The following HDAC9 variants were observed in gnomAD, a reference collection of about 807,000 sequenced individuals.
HDAC9 encodes the protein histone deacetylase 9.
HDAC9 carries 41 observed loss-of-function variants against 139.4 expected under a neutral mutation model. The observed-to-expected ratio is 0.29, with a 90% CI of 0.23 to 0.38. The LOEUF is 0.38. Ranked by LOEUF, HDAC9 falls within the 10% of genes least tolerant of loss-of-function variation. The pLI, the probability that HDAC9 is intolerant of heterozygous loss-of-function variation, is 1.00. For synonymous variants in HDAC9, 517 were observed against 476.2 expected (o/e 1.09, Z -1.12); for missense variants, 1,147 against 1,297.0 (o/e 0.88, Z 1.78).
chr7:18,921,715 A>G (rs1032011579), intron 22 of HDAC9, among the ~76,000 whole-genome samples: 4 of 152,176 alleles, frequency 2.6e-5, no homozygotes, highest in African/African-American at 9.7e-5. Flanking sequence ...TGACCCAGCC[A>G]TCCCATTACT....
intron 1 of HDAC9, among the ~76,000 whole-genome samples, chr7:18,385,632 T>A (rs577771330): frequency 6.6e-6 from 1 of 152,340 alleles, no homozygotes; most frequent in South Asian, 2.1e-4. Flanking sequence ...GCCATAGTCA[T>A]ACTTACGATA....
intron 22 of HDAC9, among the ~76,000 whole-genome samples, chr7:18,925,648 T>C (rs1000683674): frequency 3.9e-5 from 6 of 151,902 alleles, no homozygotes; most frequent in African/African-American, 1.5e-4. Flanking sequence ...AATACATCTT[T>C]TTTTTTCCAT....
At chr7:18,932,849 AAAG>A (rs1217946697) in intron 22 of HDAC9, among the ~76,000 whole-genome samples, 190 of 30,338 alleles carry the variant, frequency 6.3e-3, no homozygotes, top group Non-Finnish European at 0.01. Flanking sequence ...GGAAGGAAAA[AAAG>A]AAAGAAAGAA....
At chr7:18,792,267 TAA>T (rs79869842) in intron 16 of HDAC9, among the ~76,000 whole-genome samples, 82 of 141,336 alleles carry the variant, frequency 5.8e-4, no homozygotes, top group African/African-American at 1.7e-3. Context: ...CTTTTTTTTT[TAA>T]AAAAAAAAAA....
At chr7:18,882,368 G>T (rs1323726678) in intron 22 of HDAC9, among the ~76,000 whole-genome samples, 1 of 152,030 alleles carries the variant, frequency 6.6e-6, no homozygotes, top group Non-Finnish European at 1.5e-5. Flanking sequence ...TGTATTCAGG[G>T]AAGTCATGGT....
At chr7:18,218,691 A>G (rs1792481551) in intron 2 of HDAC9, among the ~76,000 whole-genome samples, 1 of 152,122 alleles carries the variant, frequency 6.6e-6, no homozygotes, top group Non-Finnish European at 1.5e-5. Flanking sequence ...TTTCCCTTCC[A>G]TTGCAGCAGA....
At chr7:18,879,517 G>A (rs1799567142) in intron 22 of HDAC9, among the ~76,000 whole-genome samples, 1 of 151,928 alleles carries the variant, frequency 6.6e-6, no homozygotes, top group African/African-American at 2.4e-5. Context: ...ACACACCTAT[G>A]ACTAACTGAT....
At chr7:18,336,747 G>C (rs1585236295) in intron 1 of HDAC9, among the ~76,000 whole-genome samples, 1 of 151,508 alleles carries the variant, frequency 6.6e-6, no homozygotes, top group East Asian at 1.9e-4. Flanking sequence ...ATATTCTTTT[G>C]AGGAAGCCAA....
At chr7:18,880,094 A>C (rs1799618461) in intron 22 of HDAC9, among the ~76,000 whole-genome samples, 1 of 152,216 alleles carries the variant, frequency 6.6e-6, no homozygotes. Flanking sequence ...AATGCGATCA[A>C]AGCCACAATG....
chr7:18,287,962 G>C (rs150153848), upstream of HDAC9, among the ~76,000 whole-genome samples: 472 of 152,250 alleles, frequency 3.1e-3, 1 homozygote, highest in African/African-American at 0.011. Flanking sequence ...AATTATTTGA[G>C]CCTGGAAACA....
intron 17 of HDAC9, among the ~76,000 whole-genome samples, chr7:18,801,497 A>C (rs553918726): frequency 6.6e-6 from 1 of 152,184 alleles, no homozygotes; most frequent in Non-Finnish European, 1.5e-5. Flanking sequence ...TTTGCTAATA[A>C]TATTTTGGTT....
At chr7:18,212,377 C>T (rs576741438) in intron 2 of HDAC9, among the ~76,000 whole-genome samples, 1 of 152,210 alleles carries the variant, frequency 6.6e-6, no homozygotes, top group South Asian at 2.1e-4. Context: ...TTAAAATTCA[C>T]TATTAACCCT....
chr7:18,295,050 C>T (rs980105548), intron 1 of HDAC9, among the ~76,000 whole-genome samples: 2 of 152,048 alleles, frequency 1.3e-5, no homozygotes, highest in Admixed American at 1.3e-4. Flanking sequence ...GCTTTTGAAA[C>T]ATTCAAGGGA....
rs188392208 is a variant in HDAC9 at position 18,848,281 on chromosome 7, C to G, written c.2684+12284C>G. On this transcript the variant is annotated intron_variant, in intron 21 of 25. Coordinates refer to ENST00000686413, the MANE Select transcript of HDAC9 (RefSeq NM_178425.4). ...ATCAGAAGAAGAATCTGATCATACTCAGCTCGTTTTAAGTATGTATGTTTT... is the reference window on the plus strand; with the variant it reads ...ATCAGAAGAAGAATCTGATCATACTGAGCTCGTTTTAAGTATGTATGTTTT... Among the ~76,000 whole-genome samples, 39 of 152,230 alleles carry G rather than the reference C, an allele frequency of 2.6e-4. 1 individual carries two copies. The highest frequency in any genetic ancestry group is 1.4e-3 in the Admixed American group (22 of 15,294).
At chr7:18,940,611 C>T (rs543979398) in intron 23 of HDAC9, among the ~76,000 whole-genome samples, 1 of 152,134 alleles carries the variant, frequency 6.6e-6, no homozygotes, top group Non-Finnish European at 1.5e-5. Context: ...ATTAGGGATA[C>T]TTGTGTCAAT....
chr7:18,822,505 C>T (rs1469915319), intron 17 of HDAC9, among the ~76,000 whole-genome samples: 1 of 152,198 alleles, frequency 6.6e-6, no homozygotes, highest in East Asian at 1.9e-4. Context: ...CAGGTTCCCG[C>T]CAGCACACCT....
intron 2 of HDAC9, among the ~76,000 whole-genome samples, chr7:18,174,454 G>A (rs1262587431): frequency 4.6e-5 from 7 of 152,308 alleles, no homozygotes; most frequent in African/African-American, 1.7e-4. Flanking sequence ...GCTTCTGTCA[G>A]CTCATCAAAG....
chr7:18,702,039 C>T (rs145215884), intron 12 of HDAC9, among the ~76,000 whole-genome samples: 508 of 152,322 alleles, frequency 3.3e-3, no homozygotes, highest in Non-Finnish European at 5.7e-3. Context: ...CAGCTACTAA[C>T]AGCAGTTGAA....
intron 22 of HDAC9, among the ~76,000 whole-genome samples, chr7:18,893,333 A>G (rs1340715578): frequency 6.6e-6 from 1 of 152,156 alleles, no homozygotes; most frequent in Non-Finnish European, 1.5e-5. Flanking sequence ...CGCTCTCCTT[A>G]TCAACCAAAT....
Sources: allele counts gnomAD v4.1 joint callset (sites outside exome capture counted in the v4.1 genomes callset), GRCh38; gene constraint gnomAD v4.1.1; transcripts MANE v1.5; gene names NCBI Gene and HGNC (gene_info 2026-07-23, HGNC 2026-07-21).